DDX19A: variants seen among roughly 807,000 people sequenced by gnomAD.
DDX19A encodes the protein ATP-dependent RNA helicase DDX19A.
DDX19A carries 12 observed loss-of-function variants against 60.6 expected under a neutral mutation model. The observed-to-expected ratio is 0.20, with a 90% CI of 0.13 to 0.32. DDX19A has a LOEUF of 0.32. DDX19A is among the 10% of genes least tolerant of loss of function. DDX19A has a pLI of 1.00. For missense variants in DDX19A, 337 were observed against 600.6 expected (o/e 0.56, Z 4.59); for synonymous variants, 206 against 218.2 (o/e 0.94, Z 0.49).
chr16:70,347,813 C>G (rs543624665), intron 1 of DDX19A: 1 of 238,586 alleles, frequency 4.2e-6, no homozygotes, highest in South Asian at 3.4e-5. Context: ...GCCTCAGTCT[C>G]CCGAGTAGCT....
Position 70,358,063 on chromosome 16 carries a change from C to T in DDX19A, c.293+1816C>T, listed in dbSNP as rs187539131. 5.9e-5 allele frequency among the ~76,000 whole-genome samples: 9 copies of T among 152,230 alleles called. No homozygotes were observed. In the East Asian group the frequency reaches 1.7e-3, roughly 29 times the overall value. The stretch of plus-strand genomic sequence containing the variant: ...TTTATTTACTTTTGAGACTGTCTCA[C>T]TCTGTTGCCCAGGCTGGAGCGCAGT... On this transcript the variant is annotated intron_variant, in intron 4 of 11. Coordinates refer to ENST00000302243, the MANE Select transcript of DDX19A (RefSeq NM_018332.5).
At chr16:70,361,567 A>G in intron 5 of DDX19A, 57 bp downstream of exon 5, 2 of 1,454,516 alleles carry the variant, frequency 1.4e-6, no homozygotes, top group Non-Finnish European at 9.5e-7. Context: ...TCTTCCCCAA[A>G]CTGCGTTTTT....
chr16:70,353,796 G>A (rs568755180), intron 2 of DDX19A, among the ~76,000 whole-genome samples: 2 of 151,822 alleles, frequency 1.3e-5, no homozygotes, highest in South Asian at 4.2e-4. Flanking sequence ...AGCTACTCGG[G>A]AGGCTGAGGC....
At position 70,346,998 on chromosome 16, in the gene DDX19A, A is replaced by G. The variant is rs773132234; in HGVS notation, c.7A>G (p.Thr3Ala). The change falls in exon 1 of 12, where the codon ACC becomes GCC. Residue 3 changes from threonine (T) to alanine (A), a missense_variant. Physicochemically the swap from Thr to Ala is moderately conservative, Grantham distance 58. Coordinates refer to ENST00000302243, the MANE Select transcript of DDX19A (RefSeq NM_018332.5). Reference sequence around the variant, plus strand: ...GTCTCCCTTGTCCGGGACTATGGCCACCGACTCGTGGGCCCTGGCGGTGGA... The same window carrying G: ...GTCTCCCTTGTCCGGGACTATGGCCGCCGACTCGTGGGCCCTGGCGGTGGA... Reference protein sequence around the residue: MATDSWALAVDEQ... With the variant: MAADSWALAVDEQ... 4 of 1,612,660 alleles carry G rather than the reference A, an allele frequency of 2.5e-6. No individual in the cohort carries two copies. In the African/African-American group the frequency reaches 5.3e-5, roughly 22 times the overall value.
intron 10 of DDX19A, chr16:70,370,661 A>C: frequency 2.8e-6 from 1 of 358,706 alleles, no homozygotes; most frequent in Non-Finnish European, 5.0e-6. Context: ...GTGCTATAGC[A>C]CTCCATCCTG....
In DDX19A at chr16:70,371,433, G is replaced by A. The variant is rs1964684412; in HGVS notation, c.1245G>A (p.Gly415=). 10 of 1,613,266 alleles carry A rather than the reference G, an allele frequency of 6.2e-6. No homozygotes were observed. Among genetic ancestry groups the A allele is most frequent in the African/African-American group, 2.7e-5 (2 of 74,788 alleles). ...TTGATCTTCCCGTGGACAAGGACGG[G>A]AATCCTGACAATGAGACCTACCTGC... ...INFDLPVDKD[G]NPDNETYLHR... is the part of the protein sequence containing the mutation. Residue 415 remains glycine, a synonymous_variant, in exon 11 of 12, where the codon GGG becomes GGA. Transcript: ENST00000302243.
intron 2 of DDX19A, among the ~76,000 whole-genome samples, chr16:70,352,629 C>A (rs116228511): frequency 0.013 from 1,816 of 136,996 alleles, 32 homozygotes; most frequent in African/African-American, 0.048. Flanking sequence ...TGTCGATCTA[C>A]CACGATTTTT....
At chr16:70,371,239 T>C in intron 10 of DDX19A, 133 bp from the exon 11 acceptor site, 1 of 1,517,656 alleles carries the variant, frequency 6.6e-7, no homozygotes, top group Non-Finnish European at 9.0e-7. Context: ...TGCCCTCTCT[T>C]GTACCCAGAG....
intron 2 of DDX19A, among the ~76,000 whole-genome samples, chr16:70,352,347 C>T (rs1225955574): frequency 2.1e-5 from 3 of 141,650 alleles, no homozygotes; most frequent in Admixed American, 7.3e-5. Flanking sequence ...TGCAGTGGTG[C>T]AATCTTGGCT....
chr16:70,362,183 A>AG lies in DDX19A; in HGVS notation c.386+673_386+674insG, dbSNP rs1230648760. Among the ~76,000 whole-genome samples, 29 of 150,920 alleles carry AG rather than the reference A, an allele frequency of 1.9e-4. 1 individual carries two copies. The highest frequency in any genetic ancestry group is 8.4e-4 in the South Asian group (4 of 4,750). ...CAAGACCCTGTCTCAAAAAAAAAAA[A>AG]AAACTAAACTAAAAATACAACAATT... On this transcript the variant is annotated intron_variant, in intron 5 of 11. Coordinates refer to ENST00000302243, the MANE Select transcript of DDX19A (RefSeq NM_018332.5).
chr16:70,371,094 G>C (rs1351632685), intron 10 of DDX19A: 1 of 581,868 alleles, frequency 1.7e-6, no homozygotes, highest in East Asian at 3.0e-5. Flanking sequence ...GTAGAGAACG[G>C]AGCCTACTCT....
intron 2 of DDX19A, among the ~76,000 whole-genome samples, chr16:70,352,468 G>A (rs1265846469): frequency 6.6e-6 from 1 of 151,258 alleles, no homozygotes; most frequent in Admixed American, 6.6e-5. Context: ...TATTTTTAGT[G>A]GAGACGGGGT....
intron 9 of DDX19A, among the ~76,000 whole-genome samples, chr16:70,367,284 G>A (rs140153309): frequency 0.021 from 3,245 of 151,858 alleles, 50 homozygotes; most frequent in Non-Finnish European, 0.034. Flanking sequence ...AAAAATTAGC[G>A]CGGCGTGGTG....
chr16:70,365,934 A>G, intron 7 of DDX19A, 151 bp from the exon 8 acceptor site: 1 of 1,188,306 alleles, frequency 8.4e-7, no homozygotes, highest in Non-Finnish European at 1.2e-6. Flanking sequence ...ACTTCACAGC[A>G]GAAGAGACCA....
At chr16:70,350,246 T>C (rs1377563020) in intron 1 of DDX19A, among the ~76,000 whole-genome samples, 2 of 152,130 alleles carry the variant, frequency 1.3e-5, no homozygotes, top group Non-Finnish European at 2.9e-5. Flanking sequence ...GAGTGAGACC[T>C]TGTCTCAGAA....
At chr16:70,371,315 C>T (rs1964681703) in intron 10 of DDX19A, 57 bp from the exon 11 acceptor site, 1 of 1,614,148 alleles carries the variant, frequency 6.2e-7, no homozygotes. Context: ...CTATGGATGA[C>T]AGTGATTTCT....
chr16:70,355,497 C>A lies in DDX19A; in HGVS notation c.119C>A (p.Thr40Asn). The A allele has an allele frequency of 6.2e-7, 1 of 1,613,726 alleles. No homozygotes were observed. Among genetic ancestry groups the A allele is most frequent in the Middle Eastern group, 1.6e-4 (1 of 6,062 alleles). ...TTTTCTTGTGTAGGTATTATCAAAA[C>A]CAGTACCACTGCCGAGAAAACAGAT... ...VKADTNGIIKTSTTAEKTDEE... is the reference protein window; with the variant it reads ...VKADTNGIIKNSTTAEKTDEE... Residue 40 changes from threonine (T) to asparagine (N), a missense_variant, in exon 3 of 12, where the codon ACC (threonine) becomes AAC (asparagine). This residue lies in a region of DDX19A where 127 missense variants were observed against 160.3 expected (regional missense o/e 0.79). Coordinates refer to ENST00000302243, the MANE Select transcript of DDX19A (RefSeq NM_018332.5).
chr16:70,348,891 A>C (rs541912515), intron 1 of DDX19A, among the ~76,000 whole-genome samples: 18 of 152,172 alleles, frequency 1.2e-4, no homozygotes, highest in African/African-American at 4.3e-4. Context: ...GGCTGCAGTG[A>C]GCTGTGATCA....
In DDX19A at chr16:70,364,533, C is replaced by G; in HGVS notation, c.387-10C>G. The G allele has an allele frequency of 6.2e-7, 1 of 1,604,116 alleles. No individual in the cohort carries two copies. Among genetic ancestry groups the G allele is most frequent in the Non-Finnish European group, 8.5e-7 (1 of 1,171,306 alleles). On this transcript the variant is annotated splice_polypyrimidine_tract_variant and intron_variant, in intron 5 of 11. Transcript: ENST00000302243. ...AATTTAAGTTTCATTTCTGTTCTTC[C>G]TTGATCCAGCCCACAGAATCTGATT...
Sources: gnomAD v4.1 joint callset for allele counts (sites outside exome capture counted in the v4.1 genomes callset) on GRCh38, gnomAD v4.1.1 for gene constraint, gnomAD v4.1.1 regional missense constraint, MANE v1.5 for transcripts, NCBI Gene and HGNC (gene_info 2026-07-23, HGNC 2026-07-21) for gene names.